Variants in BAG4 observed in about 807,000 individuals in gnomAD.
BAG4 encodes the protein BAG cochaperone 4, also known as BAG family molecular chaperone regulator 4.
BAG4 carries 28 observed loss-of-function variants against 52.1 expected under a neutral mutation model. The ratio of observed to expected loss-of-function variants is 0.54; its 90% confidence interval spans 0.40 to 0.74. BAG4 has a LOEUF of 0.74. Ranked by LOEUF, BAG4 falls within the 30% of genes least tolerant of loss-of-function variation. The probability of loss-of-function intolerance (pLI) is 0.00; values close to 1 mark genes in which losing one functional copy is unlikely to be tolerated. For synonymous variants in BAG4, 208 were observed against 217.0 expected (o/e 0.96, Z 0.37); for missense variants, 525 against 572.0 (o/e 0.92, Z 0.84).
intron 1 of BAG4, among the ~76,000 whole-genome samples, chr8:38,187,746 G>T (rs970269482): frequency 6.6e-6 from 1 of 151,928 alleles, no homozygotes; most frequent in African/African-American, 2.4e-5. Flanking sequence ...AGCCCAGCTG[G>T]GTGCTGTGGC....
chr8:38,209,095 A>C lies in BAG4; in HGVS notation c.716A>C (p.Gln239Pro), dbSNP rs111978086. 6.2e-7 allele frequency: 1 copy of C among 1,614,174 alleles called. No homozygotes were observed. Among genetic ancestry groups the C allele is most frequent in the East Asian group, 2.2e-5 (1 of 44,886 alleles). ...CAATCAGGACCGACTGTACGACCAC[A>C]AGAAGATGCGTGGGCTTCTCCTGGT... ...VPQSGPTVRP[Q>P]EDAWASPGAY... Residue 239 changes from glutamine (Q) to proline (P), a missense_variant, in exon 4 of 5, where the codon CAA (glutamine) becomes CCA (proline). This residue lies in a region of BAG4 where 238 missense variants were observed against 305.8 expected (regional missense o/e 0.78). Coordinates refer to ENST00000287322, the MANE Select transcript of BAG4 (RefSeq NM_004874.4).
At position 38,212,444 on chromosome 8, in the gene BAG4, C is replaced by T. The variant is rs1046862405; in HGVS notation, c.*1951C>T. ...GTAGAGTTCTTGTATACTCTGCACC[C>T]ACCTTGCCCTTATGTTAACATCTTA... On this transcript the variant is annotated 3_prime_UTR_variant, in exon 5 of 5. Coordinates refer to ENST00000287322, the MANE Select transcript of BAG4 (RefSeq NM_004874.4). 3.3e-5 allele frequency: 5 copies of T among 152,172 alleles called. No individual in the cohort carries two copies. The highest frequency in any genetic ancestry group is 4.8e-5 in the African/African-American group (2 of 41,434). The allele number at this position is 152,172 out of a possible 1,614,324, so 9.4% of individuals were successfully genotyped here. A position where few individuals can be genotyped will look rare whatever the true frequency, so the allele number is the denominator to read the frequency against.
intron 2 of BAG4, among the ~76,000 whole-genome samples, chr8:38,200,564 T>C (rs913636069): frequency 6.6e-6 from 1 of 152,194 alleles, no homozygotes; most frequent in Non-Finnish European, 1.5e-5. Context: ...GATCAGCTTT[T>C]CAACTTATGT....
intron 2 of BAG4, among the ~76,000 whole-genome samples, chr8:38,195,547 T>C (rs1364091502): frequency 2.0e-5 from 3 of 152,170 alleles, no homozygotes; most frequent in African/African-American, 7.2e-5. Context: ...CAAATTGGCC[T>C]CTCAAAGCAC....
At chr8:38,179,394 G>A (rs968697038) in intron 1 of BAG4, among the ~76,000 whole-genome samples, 1 of 151,690 alleles carries the variant, frequency 6.6e-6, no homozygotes, top group East Asian at 2.0e-4. Context: ...TGATCTCAGG[G>A]TATCCTCCTG....
Position 38,211,357 on chromosome 8 carries a change from T to C in BAG4, c.*864T>C, listed in dbSNP as rs1183349219. The C allele has an allele frequency of 2.0e-5, 3 of 151,438 alleles. No homozygotes were observed. Among genetic ancestry groups the C allele is most frequent in the Admixed American group, 6.6e-5 (1 of 15,202 alleles). 9.4% of individuals were successfully genotyped at this position (151,438 alleles called of 1,614,324 possible). The stretch of plus-strand genomic sequence containing the variant: ...TGGATAAAGATCCACTTAAAAGTTA[T>C]CTGTTTTTTCCTGTTTTTTTTTTTT... On this transcript the variant is annotated 3_prime_UTR_variant, in exon 5 of 5. Transcript: ENST00000287322.
intron 1 of BAG4, among the ~76,000 whole-genome samples, chr8:38,191,714 C>A (rs370750573): frequency 2.9e-5 from 4 of 139,500 alleles, no homozygotes; most frequent in Admixed American, 1.6e-4. Context: ...GAGCCGAGAT[C>A]GTGCCATTGC....
intron 1 of BAG4, among the ~76,000 whole-genome samples, chr8:38,182,350 C>G (rs992541672): frequency 6.6e-6 from 1 of 152,164 alleles, no homozygotes; most frequent in Non-Finnish European, 1.5e-5. Context: ...ACTGATTCCT[C>G]TGCTGTTAGA....
chr8:38,183,428 G>C lies in BAG4; in HGVS notation c.270+6289G>C, dbSNP rs545559250. Among the ~76,000 whole-genome samples the C allele has an allele frequency of 1.3e-5, 2 of 152,228 alleles. 1 individual carries two copies. The highest frequency in any genetic ancestry group is 4.1e-4 in the South Asian group (2 of 4,824). ...CAGAACTTCTCCTGCCGACTCAAAAGTTAGATTCTTCTGAGTAAAACAGGC... is the reference window on the plus strand; with the variant it reads ...CAGAACTTCTCCTGCCGACTCAAAACTTAGATTCTTCTGAGTAAAACAGGC... On this transcript the variant is annotated intron_variant, in intron 1 of 4. Coordinates refer to ENST00000287322, the MANE Select transcript of BAG4 (RefSeq NM_004874.4).
chr8:38,199,178 A>G (rs1347289281), intron 2 of BAG4, among the ~76,000 whole-genome samples: 3 of 152,358 alleles, frequency 2.0e-5, no homozygotes, highest in East Asian at 3.9e-4. Flanking sequence ...CAGCGTCACC[A>G]TAAACAGGTG....
chr8:38,201,868 ATATATATATATATTTTT>A (rs1803676948), intron 2 of BAG4: 2 of 6,468 alleles, frequency 3.1e-4, no homozygotes, highest in African/African-American at 9.7e-4. Flanking sequence ...ATATATATAT[ATATATATATATATTTTT>A]TTTTTTTTTT....
At chr8:38,202,577 GT>G (rs1343545902) in intron 2 of BAG4, among the ~76,000 whole-genome samples, 1 of 122,358 alleles carries the variant, frequency 8.2e-6, no homozygotes, top group African/African-American at 3.1e-5. Flanking sequence ...TTTTTTTTCT[GT>G]TTCTCAGGCT....
At chr8:38,196,685 A>C (rs1360128181) in intron 2 of BAG4, among the ~76,000 whole-genome samples, 1 of 151,968 alleles carries the variant, frequency 6.6e-6, no homozygotes, top group East Asian at 1.9e-4. Flanking sequence ...AGTGGGTGCA[A>C]AGTGGTTTTG....
At chr8:38,196,905 C>A (rs1326322283) in intron 2 of BAG4, among the ~76,000 whole-genome samples, 2 of 151,514 alleles carry the variant, frequency 1.3e-5, no homozygotes, top group African/African-American at 4.9e-5. Context: ...GGTGAAACCC[C>A]TTCACTACTA....
chr8:38,198,645 C>T (rs900307619), intron 2 of BAG4, among the ~76,000 whole-genome samples: 9 of 151,358 alleles, frequency 5.9e-5, no homozygotes, highest in Non-Finnish European at 8.8e-5. Flanking sequence ...CCCACCACCA[C>T]GCCCGGCTAA....
intron 2 of BAG4, among the ~76,000 whole-genome samples, chr8:38,194,870 T>G (rs1211787392): frequency 2.8e-4 from 41 of 148,712 alleles, no homozygotes; most frequent in East Asian, 9.7e-4. Flanking sequence ...TTTGTTTTTT[T>G]TTTTGGCCGA....
chr8:38,200,984 C>G (rs1271828326), intron 2 of BAG4, among the ~76,000 whole-genome samples: 1 of 152,134 alleles, frequency 6.6e-6, no homozygotes, highest in African/African-American at 2.4e-5. Flanking sequence ...AAGAGGGAGA[C>G]AAAACTCATA....
In BAG4 at chr8:38,201,864, ATATATATATATATATATTTTTTTTTT is replaced by A. The variant is rs1221353243; in HGVS notation, c.379-5646_379-5621del. 1.2e-3 allele frequency: 7 copies of A among 6,028 alleles called. No individual in the cohort carries two copies. In the East Asian group the frequency reaches 0.017, roughly 14 times the overall value. The allele number at this position is 6,028 out of a possible 1,614,324, so 0.4% of individuals were successfully genotyped here. A position where few individuals can be genotyped will look rare whatever the true frequency, so the allele number is the denominator to read the frequency against. On this transcript the variant is annotated intron_variant, in intron 2 of 4. Transcript: ENST00000287322. The stretch of plus-strand genomic sequence containing the variant: ...TATATATATATATATATATATATAT[ATATATATATATATATATTTTTTTTTT>A]TTTTTTTTTTTTTTTTTTTAAGAAG...
At chr8:38,208,282 G>T (rs1238385399) in intron 3 of BAG4, among the ~76,000 whole-genome samples, 5 of 135,206 alleles carry the variant, frequency 3.7e-5, no homozygotes, top group African/African-American at 1.4e-4. Flanking sequence ...GCAAATCTTA[G>T]CCTTTTTTAG....
Sources: allele counts gnomAD v4.1 joint callset (sites outside exome capture counted in the v4.1 genomes callset), GRCh38; gene constraint gnomAD v4.1.1; regional missense constraint gnomAD v4.1.1; transcripts MANE v1.5; gene names NCBI Gene and HGNC (gene_info 2026-07-23, HGNC 2026-07-21).